NCEH1: variants seen among roughly 807,000 people sequenced by gnomAD.
The protein encoded by NCEH1 is 2-acetyl MAGE hydrolase.
In NCEH1, 9 loss-of-function variants were observed where a neutral mutation model predicts 25.4. The observed-to-expected ratio is 0.35, with a 90% CI of 0.21 to 0.62. The LOEUF (loss-of-function observed/expected upper bound fraction) is 0.62. Among genes scored for constraint, NCEH1 ranks in the 20% least tolerant of loss-of-function variants. The pLI is 0.72. For synonymous variants in NCEH1, 200 were observed against 199.8 expected (o/e 1.00, Z -0.01); for missense variants, 412 against 501.1 (o/e 0.82, Z 1.70).
At position 172,646,876 on chromosome 3, in the gene NCEH1, T is replaced by A. The variant is rs534426634; in HGVS notation, c.367+1010A>T. On this transcript the variant is annotated intron_variant, in intron 2 of 4. Transcript: ENST00000475381. The stretch of plus-strand genomic sequence containing the variant: ...AAACTCCTTCTTATTCATTTTTGTA[T>A]CCCTACACCCGAGCACACCTTAGAC... 1.1e-4 allele frequency among the ~76,000 whole-genome samples: 16 copies of A among 152,298 alleles called. No homozygotes were observed. In the South Asian group the frequency reaches 3.3e-3, roughly 32 times the overall value.
intron 1 of NCEH1, among the ~76,000 whole-genome samples, chr3:172,659,331 CT>C: frequency 6.6e-6 from 1 of 152,242 alleles, no homozygotes; most frequent in East Asian, 1.9e-4. Context: ...AGGAATTGAT[CT>C]GGTTAAGTTA....
chr3:172,668,716 A>T lies in NCEH1; in HGVS notation c.139-20602T>A, dbSNP rs549905238. ...CATTTTGTGAGAAAAATATTTAAAG[A>T]AGTATCTGGAGAAGTCCACTGTTAA... On this transcript the variant is annotated intron_variant, in intron 1 of 4. Transcript: ENST00000475381. 2.6e-5 allele frequency among the ~76,000 whole-genome samples: 4 copies of T among 152,200 alleles called. No individual in the cohort carries two copies. In the East Asian group the frequency reaches 5.8e-4, roughly 22 times the overall value.
intron 1 of NCEH1, 27 bp downstream of exon 1, chr3:172,710,820 G>A (rs1238932791): frequency 1.2e-6 from 2 of 1,612,084 alleles, no homozygotes; most frequent in Non-Finnish European, 1.7e-6. Context: ...AGGAGGAAGA[G>A]AGAAGCAGCG....
chr3:172,645,664 T>TGAG lies in NCEH1; in HGVS notation c.395_396insCTC (p.Thr132_Ala133insSer). The TGAG allele has an allele frequency of 6.2e-7, 1 of 1,600,100 alleles. No homozygotes were observed. Among genetic ancestry groups the TGAG allele is most frequent in the South Asian group, 1.1e-5 (1 of 87,910 alleles). On this transcript the variant is annotated inframe_insertion, in exon 3 of 5. Transcript: ENST00000475381. Reference sequence around the variant, plus strand: ...CAGCATTCAATTCCTCAGCCATTGCTGTACACAGCTCATCATAATACCTGA... The same window carrying TGAG: ...CAGCATTCAATTCCTCAGCCATTGCTGAGGTACACAGCTCATCATAATACCTGA...
At chr3:172,689,565 C>G (rs1405868233) in intron 1 of NCEH1, among the ~76,000 whole-genome samples, 1 of 149,152 alleles carries the variant, frequency 6.7e-6, no homozygotes, top group Non-Finnish European at 1.5e-5. Context: ...TCAAAATTAG[C>G]CAGGCGTGAT....
intron 1 of NCEH1, among the ~76,000 whole-genome samples, chr3:172,705,315 C>G (rs992392945): frequency 1.3e-5 from 2 of 152,130 alleles, no homozygotes; most frequent in African/African-American, 4.8e-5. Context: ...GAGAATGACC[C>G]TGTATGGCAG....
intron 1 of NCEH1, among the ~76,000 whole-genome samples, chr3:172,689,256 T>TTG (rs1712885047): frequency 7.0e-6 from 1 of 143,360 alleles, no homozygotes; most frequent in African/African-American, 2.6e-5. Flanking sequence ...AGTAACTTTT[T>TTG]TTTTTTTTTT....
At chr3:172,675,864 C>T (rs1430600438) in intron 1 of NCEH1, among the ~76,000 whole-genome samples, 3 of 152,148 alleles carry the variant, frequency 2.0e-5, no homozygotes, top group South Asian at 2.1e-4. Context: ...CTACAGGACC[C>T]CCACTGATGG....
At chr3:172,657,392 A>G (rs1411218909) in intron 1 of NCEH1, among the ~76,000 whole-genome samples, 2 of 152,174 alleles carry the variant, frequency 1.3e-5, no homozygotes, top group African/African-American at 4.8e-5. Flanking sequence ...TTATCTAACC[A>G]TAAGTCTAAC....
At chr3:172,655,048 C>T (rs148054073) in intron 1 of NCEH1, among the ~76,000 whole-genome samples, 156 of 152,266 alleles carry the variant, frequency 1.0e-3, no homozygotes, top group African/African-American at 3.0e-3. Context: ...ACTGCCTGGA[C>T]GCAGTACCAG....
chr3:172,663,669 G>A (rs1337300644), intron 1 of NCEH1, among the ~76,000 whole-genome samples: 1 of 152,092 alleles, frequency 6.6e-6, no homozygotes, highest in Non-Finnish European at 1.5e-5. Context: ...TATATATTTA[G>A]GATAGTTAGC....
At chr3:172,686,593 A>G (rs1368332177) in intron 1 of NCEH1, among the ~76,000 whole-genome samples, 2 of 152,216 alleles carry the variant, frequency 1.3e-5, no homozygotes, top group African/African-American at 2.4e-5. Context: ...AGCCATCCCA[A>G]TGATCTAAGA....
intron 1 of NCEH1, among the ~76,000 whole-genome samples, chr3:172,658,819 T>C (rs1260673552): frequency 2.0e-5 from 3 of 151,046 alleles, no homozygotes; most frequent in East Asian, 1.9e-4. Context: ...AGGATAAGGT[T>C]GTCTCTTTCC....
chr3:172,652,579 GT>G (rs1197026733), intron 1 of NCEH1, among the ~76,000 whole-genome samples: 3 of 152,156 alleles, frequency 2.0e-5, no homozygotes, highest in Non-Finnish European at 4.4e-5. Flanking sequence ...CTGGGAATAA[GT>G]TTCCTACCTA....
intron 1 of NCEH1, among the ~76,000 whole-genome samples, chr3:172,709,465 G>A (rs1714183525): frequency 6.6e-6 from 1 of 152,190 alleles, no homozygotes; most frequent in African/African-American, 2.4e-5. Context: ...TGACACCAGT[G>A]CTAAAGAAGG....
chr3:172,662,145 C>A (rs1718001508), intron 1 of NCEH1, among the ~76,000 whole-genome samples: 1 of 152,122 alleles, frequency 6.6e-6, no homozygotes, highest in Non-Finnish European at 1.5e-5. Flanking sequence ...TATGTCCCAC[C>A]AATACCTAGT....
rs1301206415 is a variant in NCEH1, at chr3:172,630,896, T to G, written c.*2579A>C. 1 of 152,126 alleles carries G rather than the reference T, an allele frequency of 6.6e-6. No individual in the cohort carries two copies. The highest frequency in any genetic ancestry group is 2.4e-5 in the African/African-American group (1 of 41,412). 9.4% of individuals were successfully genotyped at this position (152,126 alleles called of 1,614,324 possible). Reference sequence around the variant, plus strand: ...CTTCACAAATCAATAAAACATTAATTTATACTTCACTATACAGCACTTCAA... The same window carrying G: ...CTTCACAAATCAATAAAACATTAATGTATACTTCACTATACAGCACTTCAA... On this transcript the variant is annotated 3_prime_UTR_variant, in exon 5 of 5. Transcript: ENST00000475381.
intron 1 of NCEH1, among the ~76,000 whole-genome samples, chr3:172,670,176 A>G (rs569054222): frequency 8.5e-5 from 13 of 152,180 alleles, no homozygotes; most frequent in Non-Finnish European, 1.8e-4. Flanking sequence ...AGACATTTCA[A>G]TGATTCTGAA....
At position 172,700,592 on chromosome 3, in the gene NCEH1, T is replaced by A. The variant is rs559979597; in HGVS notation, c.138+10255A>T. On this transcript the variant is annotated intron_variant, in intron 1 of 4. Coordinates refer to ENST00000475381, the MANE Select transcript of NCEH1 (RefSeq NM_020792.6). Reference sequence around the variant, plus strand: ...GTGTAGTGGTGTGATCATACAGCCTTCACCTCCTAGGCTCAAGAGATCCTC... The same window carrying A: ...GTGTAGTGGTGTGATCATACAGCCTACACCTCCTAGGCTCAAGAGATCCTC... Among the ~76,000 whole-genome samples the A allele has an allele frequency of 5.3e-5, 8 of 152,278 alleles. No individual in the cohort carries two copies. The South Asian group carries it at 1.7e-3, about 32-fold the overall frequency.
Sources: gnomAD v4.1 joint callset for allele counts (sites outside exome capture counted in the v4.1 genomes callset) on GRCh38, gnomAD v4.1.1 for gene constraint, MANE v1.5 for transcripts, NCBI Gene and HGNC (gene_info 2026-07-23, HGNC 2026-07-21) for gene names.